Variants in TULP4 observed in about 807,000 individuals in gnomAD.
TULP4 encodes the protein TUB like protein 4.
A neutral mutation model predicts 129.0 loss-of-function variants in TULP4; 16 were observed. The ratio of observed to expected loss-of-function variants is 0.12; its 90% confidence interval spans 0.08 to 0.19. TULP4 has a LOEUF of 0.19. Among genes scored for constraint, TULP4 ranks in the 10% least tolerant of loss-of-function variants. The probability of loss-of-function intolerance (pLI) is 1.00; values close to 1 mark genes in which losing one functional copy is unlikely to be tolerated. For synonymous variants in TULP4, 998 were observed against 854.0 expected, an observed-to-expected ratio of 1.17 and a Z score of -2.94; for missense variants, 1,842 against 2,059.1, an observed-to-expected ratio of 0.89 and a Z score of 2.04.
chr6:158,275,556 C>A, intron 1 of TULP4, among the ~76,000 whole-genome samples: 1 of 152,162 alleles, frequency 6.6e-6, no homozygotes, highest in East Asian at 1.9e-4. Context: ...TCTCAATGCC[C>A]ATTCTAACCC....
At chr6:158,297,836 G>T (rs1001348875) in intron 1 of TULP4, among the ~76,000 whole-genome samples, 2 of 152,158 alleles carry the variant, frequency 1.3e-5, no homozygotes, top group Non-Finnish European at 2.9e-5. Context: ...GGGTTTGAGA[G>T]CAGAGAACTG....
chr6:158,339,416 T>TC (rs1193036256), intron 1 of TULP4, among the ~76,000 whole-genome samples: 4 of 152,256 alleles, frequency 2.6e-5, no homozygotes, highest in Admixed American at 2.0e-4. Context: ...TTGTCAGCGT[T>TC]CAAGAGCAGA....
At chr6:158,329,752 C>T (rs1400911240) in intron 1 of TULP4, among the ~76,000 whole-genome samples, 3 of 152,084 alleles carry the variant, frequency 2.0e-5, no homozygotes, top group Admixed American at 2.0e-4. Flanking sequence ...ATCACTTAAA[C>T]ATGACCAAAG....
intron 4 of TULP4, among the ~76,000 whole-genome samples, chr6:158,450,859 A>G (rs1356387244): frequency 6.6e-6 from 1 of 152,054 alleles, no homozygotes; most frequent in Non-Finnish European, 1.5e-5. Context: ...GATCGAGACC[A>G]TCCTGGCTAA....
At chr6:158,293,935 G>T (rs2128471789) in intron 1 of TULP4, among the ~76,000 whole-genome samples, 1 of 152,294 alleles carries the variant, frequency 6.6e-6, no homozygotes, top group African/African-American at 2.4e-5. Context: ...GCCTTCAAAG[G>T]CAGGCTCTGA....
intron 1 of TULP4, among the ~76,000 whole-genome samples, chr6:158,335,306 A>G (rs1369172363): frequency 2.0e-5 from 3 of 151,274 alleles, no homozygotes; most frequent in Non-Finnish European, 2.9e-5. Flanking sequence ...TTTGTTCTTT[A>G]TAAGTACCCA....
chr6:158,280,278 T>C (rs1778725741), upstream of TULP4, among the ~76,000 whole-genome samples: 1 of 152,236 alleles, frequency 6.6e-6, no homozygotes, highest in Non-Finnish European at 1.5e-5. Context: ...TCCATGATAC[T>C]ATGCATTCAT....
intron 1 of TULP4, among the ~76,000 whole-genome samples, chr6:158,399,690 CTG>C (rs1401482674): frequency 6.9e-6 from 1 of 145,830 alleles, no homozygotes; most frequent in Non-Finnish European, 1.5e-5. Context: ...TTGAATCTTT[CTG>C]TGTGCCAGAC....
intron 1 of TULP4, among the ~76,000 whole-genome samples, chr6:158,292,688 GT>G (rs1405298456): frequency 1.3e-5 from 2 of 152,080 alleles, no homozygotes; most frequent in Admixed American, 1.3e-4. Flanking sequence ...CCAATACCCT[GT>G]TTGGACATAC....
intron 8 of TULP4, among the ~76,000 whole-genome samples, chr6:158,483,519 G>C (rs776735179): frequency 3.9e-5 from 6 of 152,104 alleles, no homozygotes; most frequent in Non-Finnish European, 7.4e-5. Context: ...TGTAGAGACA[G>C]GGTTTTACCA....
At chr6:158,372,059 C>A (rs1446283330) in intron 1 of TULP4, among the ~76,000 whole-genome samples, 1 of 151,996 alleles carries the variant, frequency 6.6e-6, no homozygotes, top group African/African-American at 2.4e-5. Flanking sequence ...AAGCGATCTG[C>A]CCACCTCGGC....
At position 158,407,116 on chromosome 6, in the gene TULP4, T is replaced by G. The variant is rs376872468; in HGVS notation, c.253-5949T>G. Among the ~76,000 whole-genome samples the G allele has an allele frequency of 5.4e-4, 83 of 152,390 alleles. 2 individuals carry two copies. The highest frequency in any genetic ancestry group is 1.9e-3 in the African/African-American group (78 of 41,602). ...AATGACAGAAATAAATTTGGCTATCTGAAAGTAAAATCTAAAGTTTTCTTC... is the reference window on the plus strand; with the variant it reads ...AATGACAGAAATAAATTTGGCTATCGGAAAGTAAAATCTAAAGTTTTCTTC... On this transcript the variant is annotated intron_variant, in intron 1 of 13. Coordinates refer to ENST00000367097, the MANE Select transcript of TULP4 (RefSeq NM_020245.5).
intron 1 of TULP4, among the ~76,000 whole-genome samples, chr6:158,319,261 A>T (rs973582776): frequency 5.3e-5 from 8 of 152,150 alleles, no homozygotes; most frequent in African/African-American, 1.2e-4. Context: ...GCTAAGATTT[A>T]AAAAATTCTG....
Position 158,318,123 on chromosome 6 carries a change from A to G in TULP4, c.252+3855A>G, listed in dbSNP as rs139850588. Among the ~76,000 whole-genome samples the G allele has an allele frequency of 6.6e-4, 100 of 152,188 alleles. 1 individual carries two copies. The highest frequency in any genetic ancestry group is 2.1e-3 in the African/African-American group (86 of 41,506). On this transcript the variant is annotated intron_variant, in intron 1 of 13. Transcript: ENST00000367097. ...TTTTATAGGTTGCCTGTTCACTCTG[A>G]TGCATTTTTACTTTTAGTTAATTTC...
At chr6:158,362,167 ACACTCTGGGTT>A (rs1420549484) in intron 1 of TULP4, among the ~76,000 whole-genome samples, 1 of 152,202 alleles carries the variant, frequency 6.6e-6, no homozygotes, top group African/African-American at 2.4e-5. Flanking sequence ...ATATGAACCC[ACACTCTGGGTT>A]ATTTGTACTG....
chr6:158,488,291 A>G (rs1042432756), intron 8 of TULP4, among the ~76,000 whole-genome samples: 1 of 152,164 alleles, frequency 6.6e-6, no homozygotes, highest in Non-Finnish European at 1.5e-5. Flanking sequence ...CATAGCTGAG[A>G]TTCCTTTGAT....
rs67123255 is a variant in TULP4 at position 158,372,164 on chromosome 6, C to CTTTTTTT, written c.253-40891_253-40885dup. On this transcript the variant is annotated intron_variant, in intron 1 of 13. Coordinates refer to ENST00000367097, the MANE Select transcript of TULP4 (RefSeq NM_020245.5). The stretch of plus-strand genomic sequence containing the variant: ...TTTTAATACAATTCCATTCTATCTG[C>CTTTTTTT]TTTTTTTTTTTTTTTTAAAGAAAAA... Among the ~76,000 whole-genome samples, 205 of 83,298 alleles carry CTTTTTTT rather than the reference C, an allele frequency of 2.5e-3. 8 individuals are homozygous for CTTTTTTT. The highest frequency in any genetic ancestry group is 0.011 in the Middle Eastern group (1 of 88). 54.6% of individuals were successfully genotyped at this position (83,298 alleles called of 152,430 possible). A position where few individuals can be genotyped will look rare whatever the true frequency, so the allele number is the denominator to read the frequency against.
intron 1 of TULP4, among the ~76,000 whole-genome samples, chr6:158,236,899 C>T (rs547210860): frequency 6.8e-6 from 1 of 147,364 alleles, no homozygotes; most frequent in East Asian, 2.0e-4. Context: ...CTGCAACCTC[C>T]GCCTCCCAGT....
At chr6:158,268,932 A>G (rs1007924902) in intron 1 of TULP4, among the ~76,000 whole-genome samples, 4 of 152,116 alleles carry the variant, frequency 2.6e-5, no homozygotes, top group African/African-American at 9.7e-5. Flanking sequence ...TGTTGGCTTT[A>G]GTCACTTTCT....
Sources: allele counts gnomAD v4.1 joint callset (sites outside exome capture counted in the v4.1 genomes callset), GRCh38; gene constraint gnomAD v4.1.1; transcripts MANE v1.5; gene names NCBI Gene and HGNC (gene_info 2026-07-23, HGNC 2026-07-21).